Variants in HTR4 observed in about 807,000 individuals in gnomAD.
HTR4 encodes 5-hydroxytryptamine receptor 4, also known as 5-hydroxytryptamine (serotonin) receptor 4, G protein-coupled.
HTR4 carries 16 observed loss-of-function variants against 36.8 expected under a neutral mutation model. That is an observed-to-expected ratio of 0.43 (90% CI 0.29 to 0.66). The LOEUF is 0.66. Ranked by LOEUF, HTR4 falls within the 30% of genes least tolerant of loss-of-function variation. HTR4 has a pLI of 0.13. For missense variants in HTR4, 438 were observed against 490.9 expected (o/e 0.89, Z 1.02); for synonymous variants, 189 against 185.1 (o/e 1.02, Z -0.17).
At chr5:148,506,239 T>A (rs573543204) in intron 6 of HTR4, among the ~76,000 whole-genome samples, 4 of 152,296 alleles carry the variant, frequency 2.6e-5, no homozygotes, top group Admixed American at 2.6e-4. Context: ...AACCATCTGA[T>A]CTTTGACAAA....
At chr5:148,485,049 A>G (rs1756085209) in intron 6 of HTR4, among the ~76,000 whole-genome samples, 1 of 152,198 alleles carries the variant, frequency 6.6e-6, no homozygotes, top group Non-Finnish European at 1.5e-5. Flanking sequence ...AAGGAAGGAA[A>G]GAAGGAAGGG....
intron 2 of HTR4, among the ~76,000 whole-genome samples, chr5:148,555,621 A>G (rs920989992): frequency 2.0e-5 from 3 of 152,170 alleles, no homozygotes; most frequent in Admixed American, 2.0e-4. Flanking sequence ...CCACAACTGG[A>G]CAGCTTTCAT....
chr5:148,539,365 A>G (rs1758994029), intron 4 of HTR4, among the ~76,000 whole-genome samples: 1 of 152,216 alleles, frequency 6.6e-6, no homozygotes, highest in South Asian at 2.1e-4. Context: ...AAAAGCAAAA[A>G]TTAACAAGTG....
intron 2 of HTR4, among the ~76,000 whole-genome samples, chr5:148,607,279 G>T (rs746189455): frequency 1.3e-5 from 2 of 152,088 alleles, no homozygotes; most frequent in African/African-American, 2.4e-5. Context: ...TACTGCTTAG[G>T]GGGGAAAAAT....
chr5:148,603,203 A>G (rs1203841514), intron 2 of HTR4, among the ~76,000 whole-genome samples: 1 of 152,098 alleles, frequency 6.6e-6, no homozygotes, highest in Non-Finnish European at 1.5e-5. Context: ...ATCTAAAGCA[A>G]CAAATAATAG....
chr5:148,521,060 C>A, intron 5 of HTR4: 1 of 1,326,534 alleles, frequency 7.5e-7, no homozygotes. Context: ...CTTAATCTCT[C>A]CTCTCCACTC....
chr5:148,523,801 T>G (rs1036707331), intron 4 of HTR4, among the ~76,000 whole-genome samples: 26 of 152,158 alleles, frequency 1.7e-4, no homozygotes, highest in Non-Finnish European at 1.9e-4. Context: ...GTTCCAACAC[T>G]ATCCCGATGC....
In HTR4 at chr5:148,650,852, C is replaced by T. The variant is rs151092378; in HGVS notation, c.-48+3210G>A. Among the ~76,000 whole-genome samples the T allele has an allele frequency of 4.4e-3, 670 of 152,258 alleles. 5 individuals are homozygous for T. The highest frequency in any genetic ancestry group is 7.7e-3 in the Admixed American group (118 of 15,288). ...CAACTCACAACCTTATAGTATCTAG[C>T]CTGTTTTCTAGAGGCAGACTTGGAT... is the stretch of plus-strand genomic sequence containing the variant. On this transcript the variant is annotated intron_variant, in intron 1 of 6. Coordinates refer to ENST00000377888, the MANE Select transcript of HTR4 (RefSeq NM_000870.7).
intron 2 of HTR4, among the ~76,000 whole-genome samples, chr5:148,606,130 G>T (rs1752153889): frequency 6.6e-6 from 1 of 152,152 alleles, no homozygotes; most frequent in African/African-American, 2.4e-5. Flanking sequence ...GCAGAGACTG[G>T]AGGGAAAAAG....
chr5:148,469,584 C>T (rs1755514498), intron 5 of HTR4, among the ~76,000 whole-genome samples: 1 of 152,198 alleles, frequency 6.6e-6, no homozygotes, highest in Non-Finnish European at 1.5e-5. Flanking sequence ...TAAGTTCCTA[C>T]ACGGGGGTTG....
At chr5:148,475,157 T>G (rs1310474387), downstream of HTR4, among the ~76,000 whole-genome samples, 1 of 152,180 alleles carries the variant, frequency 6.6e-6, no homozygotes, top group Non-Finnish European at 1.5e-5. Flanking sequence ...CCTGGCAGTG[T>G]GTTAATTGCT....
intron 5 of HTR4, among the ~76,000 whole-genome samples, chr5:148,516,885 T>G (rs1757785182): frequency 6.6e-6 from 1 of 152,152 alleles, no homozygotes; most frequent in Non-Finnish European, 1.5e-5. Flanking sequence ...CAATCATGTT[T>G]AGGTTATGTT....
chr5:148,524,654 A>T (rs1427092850), intron 4 of HTR4, among the ~76,000 whole-genome samples: 1 of 152,136 alleles, frequency 6.6e-6, no homozygotes, highest in Non-Finnish European at 1.5e-5. Flanking sequence ...TCTATCATTC[A>T]TTTCTCTTTG....
At position 148,482,854 on chromosome 5, in the gene HTR4, A is replaced by G. The variant is rs199675280; in HGVS notation, c.*349T>C. The G allele has an allele frequency of 5.3e-6, 6 of 1,142,232 alleles. No homozygotes were observed. Among genetic ancestry groups the G allele is most frequent in the Admixed American group, 3.9e-5 (1 of 25,606 alleles). 70.8% of individuals were successfully genotyped at this position (1,142,232 alleles called of 1,614,324 possible). A position where few individuals can be genotyped will look rare whatever the true frequency, so the allele number is the denominator to read the frequency against. Reference sequence around the variant, plus strand: ...ATTTGGAGACATCAGTGACCGAGATAGGACGCAGCAAGCTATCGTGCTTAG... The same window carrying G: ...ATTTGGAGACATCAGTGACCGAGATGGGACGCAGCAAGCTATCGTGCTTAG... On this transcript the variant is annotated 3_prime_UTR_variant, in exon 7 of 7. Transcript: ENST00000377888.
intron 2 of HTR4, among the ~76,000 whole-genome samples, chr5:148,606,990 A>G (rs1487765475): frequency 1.3e-5 from 2 of 152,198 alleles, no homozygotes; most frequent in Admixed American, 1.3e-4. Context: ...ATTACTGTAG[A>G]TTATTTCTGG....
At chr5:148,520,831 T>C in intron 5 of HTR4, 1 of 1,323,520 alleles carries the variant, frequency 7.6e-7, no homozygotes, top group Non-Finnish European at 1.0e-6. Context: ...TGGATAGGAT[T>C]CAAAAAATGT....
At chr5:148,504,145 T>G (rs965390709) in intron 6 of HTR4, among the ~76,000 whole-genome samples, 1 of 152,218 alleles carries the variant, frequency 6.6e-6, no homozygotes, top group African/African-American at 2.4e-5. Flanking sequence ...CAAGCAGACC[T>G]AATAGACGTC....
chr5:148,526,068 C>T (rs1362806562), intron 4 of HTR4, among the ~76,000 whole-genome samples: 4 of 152,146 alleles, frequency 2.6e-5, no homozygotes, highest in Admixed American at 6.5e-5. Context: ...AATCCTTCCC[C>T]TACAAGTTCC....
chr5:148,484,743 C>T (rs1756070514), intron 6 of HTR4, among the ~76,000 whole-genome samples: 1 of 152,176 alleles, frequency 6.6e-6, no homozygotes, highest in Non-Finnish European at 1.5e-5. Flanking sequence ...TGAAATCTAA[C>T]TATTTCTGGG....
Sources: allele counts gnomAD v4.1 joint callset (sites outside exome capture counted in the v4.1 genomes callset), GRCh38; gene constraint gnomAD v4.1.1; transcripts MANE v1.5; gene names NCBI Gene and HGNC (gene_info 2026-07-23, HGNC 2026-07-21).